PCDHA4: variants seen among roughly 807,000 people sequenced by gnomAD.
PCDHA4 encodes the protein protocadherin alpha 4, also known as protocadherin alpha-4.
PCDHA4 carries 49 observed loss-of-function variants against 61.4 expected under a neutral mutation model. The ratio of observed to expected loss-of-function variants is 0.80; its 90% CI spans 0.63 to 1.01. The LOEUF (loss-of-function observed/expected upper bound fraction) is 1.01. PCDHA4 is among the 50% of genes least tolerant of loss of function. The probability of loss-of-function intolerance (pLI) is 0.00; values close to 1 mark genes in which losing one functional copy is unlikely to be tolerated. For synonymous variants in PCDHA4, 590 were observed against 550.3 expected, an observed-to-expected ratio of 1.07 and a Z score of -1.01; for missense variants, 1,254 against 1,235.8, an observed-to-expected ratio of 1.01 and a Z score of -0.22.
At chr5:140,878,787 T>C (rs2057727241) in intron 1 of PCDHA4, among the ~76,000 whole-genome samples, 1 of 152,222 alleles carries the variant, frequency 6.6e-6, no homozygotes, top group Admixed American at 6.5e-5. Flanking sequence ...ATATGTTCAA[T>C]CACTTTTTAA....
At chr5:140,895,835 A>G (rs782780692) in intron 1 of PCDHA4, among the ~76,000 whole-genome samples, 3 of 152,096 alleles carry the variant, frequency 2.0e-5, no homozygotes, top group Non-Finnish European at 4.4e-5. Context: ...TTTTCAGACA[A>G]AGTCTCACTC....
Position 140,809,532 on chromosome 5 carries a change from G to C in PCDHA4, c.2345G>C (p.Arg782Thr). ...CCCAGTTTACCTGACTCTAGGGACA[G>C]AGAAGATCAGCTGCAGACAACTGAG... ...FSPSLPDSRD[R>T]EDQLQTTEES... is the part of the protein sequence containing the mutation. Residue 782 changes from arginine (R) to threonine (T), a missense_variant, in exon 1 of 4, where the codon AGA (arginine) becomes ACA (threonine). By Grantham distance (71) the Arg-to-Thr change is moderately conservative. Transcript: ENST00000530339. The C allele has an allele frequency of 1.2e-6, 2 of 1,613,958 alleles. No individual in the cohort carries two copies. Among genetic ancestry groups the C allele is most frequent in the Non-Finnish European group, 1.7e-6 (2 of 1,179,926 alleles).
chr5:140,835,653 G>A, intron 1 of PCDHA4: 1 of 1,613,930 alleles, frequency 6.2e-7, no homozygotes, highest in Non-Finnish European at 8.5e-7. Context: ...CTATGAGCTG[G>A]TGGTTACCGC....
intron 1 of PCDHA4, chr5:140,863,686 T>G (rs1386583317): frequency 3.4e-6 from 1 of 295,212 alleles, no homozygotes; most frequent in Non-Finnish European, 6.6e-6. Flanking sequence ...CTTTTTCTTT[T>G]GAGATGCTTT....
In PCDHA4 at chr5:141,006,011, G is replaced by A. The variant is rs146101776; in HGVS notation, c.2534-3616G>A. Among the ~76,000 whole-genome samples the A allele has an allele frequency of 2.7e-3, 408 of 151,544 alleles. 2 individuals carry two copies. Among genetic ancestry groups the A allele is most frequent in the African/African-American group, 8.8e-3 (365 of 41,422 alleles). Reference sequence around the variant, plus strand: ...GAGGATCTGAAAGAAGGCCTGTATGGTTGGAGTATAATAGTAAGAGGGAGA... The same window carrying A: ...GAGGATCTGAAAGAAGGCCTGTATGATTGGAGTATAATAGTAAGAGGGAGA... On this transcript the variant is annotated intron_variant, in intron 3 of 3. Coordinates refer to ENST00000530339, the MANE Select transcript of PCDHA4 (RefSeq NM_018907.4).
chr5:141,009,889 G>A lies in PCDHA4; in HGVS notation c.2796G>A (p.Gln932=). ...KKKKKKGNKT[Q]EKKEKGNSTT... is the part of the protein sequence containing the mutation. ...AAAAGAAGAAGGGTAACAAGACCCAGGAGAAAAAAGAGAAAGGGAACAGCA... is the reference window on the plus strand; with the variant it reads ...AAAAGAAGAAGGGTAACAAGACCCAAGAGAAAAAAGAGAAAGGGAACAGCA... Residue 932 remains glutamine, a synonymous_variant, in exon 4 of 4, where the codon CAG becomes CAA. Transcript: ENST00000530339. 6.2e-7 allele frequency: 1 copy of A among 1,612,866 alleles called. No homozygotes were observed. Among genetic ancestry groups the A allele is most frequent in the South Asian group, 1.1e-5 (1 of 90,852 alleles).
rs147430561 is a variant in PCDHA4, at chr5:140,928,238, A to G, written c.2386-50711A>G. 4.7e-4 allele frequency: 756 copies of G among 1,614,188 alleles called. 4 individuals carry two copies. The African/African-American group carries it at 9.0e-3, about 19-fold the overall frequency. Reference sequence around the variant, plus strand: ...AATACACCAAACTTTCCTCAACCCCAGCAGGAACTTTTCGTTGCTGAAAAC... The same window carrying G: ...AATACACCAAACTTTCCTCAACCCCGGCAGGAACTTTTCGTTGCTGAAAAC... On this transcript the variant is annotated intron_variant, in intron 1 of 3. Coordinates refer to ENST00000530339, the MANE Select transcript of PCDHA4 (RefSeq NM_018907.4).
At chr5:140,929,228 A>G in intron 1 of PCDHA4, 1 of 1,613,898 alleles carries the variant, frequency 6.2e-7, no homozygotes, top group Non-Finnish European at 8.5e-7. Flanking sequence ...AATGCTGCCG[A>G]CCTGCGAAAT....
chr5:140,966,658 G>A (rs887585622), intron 1 of PCDHA4: 5 of 1,212,426 alleles, frequency 4.1e-6, no homozygotes, highest in Admixed American at 3.9e-5. Flanking sequence ...GAGCGGTGGG[G>A]GAGCAGGCGC....
At chr5:140,877,654 A>T in intron 1 of PCDHA4, 1 of 1,613,490 alleles carries the variant, frequency 6.2e-7, no homozygotes, top group South Asian at 1.1e-5. Flanking sequence ...AGCGCCGCCC[A>T]CCGTGAGCCG....
intron 1 of PCDHA4, chr5:140,843,356 T>G (rs1228911692): frequency 1.3e-6 from 2 of 1,595,866 alleles, no homozygotes; most frequent in Non-Finnish European, 1.7e-6. Context: ...TCCAAAAGCG[T>G]CATCGAGGCA....
At chr5:140,884,296 ACAGG>A in intron 1 of PCDHA4, 1 of 1,613,674 alleles carries the variant, frequency 6.2e-7, no homozygotes, top group Non-Finnish European at 8.5e-7. Flanking sequence ...GCCAAGCGCC[ACAGG>A]CTTCGTCGAG....
chr5:140,871,145 C>G, intron 1 of PCDHA4: 1 of 1,613,418 alleles, frequency 6.2e-7, no homozygotes, highest in Non-Finnish European at 8.5e-7. Flanking sequence ...TCTTCCCGGA[C>G]TTTGGCGGGC....
intron 1 of PCDHA4, chr5:140,829,748 G>A (rs1179697520): frequency 1.2e-6 from 2 of 1,613,722 alleles, no homozygotes; most frequent in East Asian, 2.2e-5. Flanking sequence ...GACGCTGCAG[G>A]TGTTCGTGCT....
At chr5:140,926,549 C>A in intron 1 of PCDHA4, 1 of 231,836 alleles carries the variant, frequency 4.3e-6, no homozygotes, top group Non-Finnish European at 8.2e-6. Flanking sequence ...GTGGTCGAGA[C>A]CCCAGCCCGC....
At position 141,000,421 on chromosome 5, in the gene PCDHA4, A is replaced by ATTTTTT. The variant is rs34755515; in HGVS notation, c.2534-9188_2534-9183dup. On this transcript the variant is annotated intron_variant, in intron 3 of 3. Coordinates refer to ENST00000530339, the MANE Select transcript of PCDHA4 (RefSeq NM_018907.4). ...TATATATATATATATATATATATAT[A>ATTTTTT]TTTTTTTTTTTTTTTTTTTTTTTGA... 3.2e-4 allele frequency among the ~76,000 whole-genome samples: 9 copies of ATTTTTT among 27,978 alleles called. 1 individual carries two copies. The highest frequency in any genetic ancestry group is 5.3e-4 in the African/African-American group (3 of 5,638). 18.4% of individuals were successfully genotyped at this position (27,978 alleles called of 152,430 possible).
intron 1 of PCDHA4, chr5:140,928,252 G>C (rs1377533547): frequency 2.5e-6 from 4 of 1,614,208 alleles, no homozygotes; most frequent in Non-Finnish European, 3.4e-6. Flanking sequence ...GGAACTTTTC[G>C]TTGCTGAAAA....
chr5:140,887,183 A>G (rs1211270850), intron 1 of PCDHA4, among the ~76,000 whole-genome samples: 2 of 147,766 alleles, frequency 1.4e-5, no homozygotes, highest in African/African-American at 5.0e-5. Flanking sequence ...TGCAAGCTCC[A>G]CCTCCCGGGT....
Position 140,982,346 on chromosome 5 carries a change from G to T in PCDHA4, c.2445-129G>T, listed in dbSNP as rs1484322650. On this transcript the variant is annotated intron_variant, in intron 2 of 3. Coordinates refer to ENST00000530339, the MANE Select transcript of PCDHA4 (RefSeq NM_018907.4). ...TGACTGCTCAGCAGTAATTGCTTCA[G>T]TTCAAGCATGAGCAGAATGTGTTAG... 2.7e-6 allele frequency: 4 copies of T among 1,492,344 alleles called. No homozygotes were observed. The Admixed American group carries it at 8.5e-5, about 32-fold the overall frequency. The allele number at this position is 1,492,344 out of a possible 1,614,324, so 92.4% of individuals were successfully genotyped here. A position where few individuals can be genotyped will look rare whatever the true frequency, so the allele number is the denominator to read the frequency against.
Sources: allele counts gnomAD v4.1 joint callset (sites outside exome capture counted in the v4.1 genomes callset), GRCh38; gene constraint gnomAD v4.1.1; transcripts MANE v1.5; gene names NCBI Gene and HGNC (gene_info 2026-07-23, HGNC 2026-07-21).